The following GPC5 variants were observed in gnomAD, a reference collection of about 807,000 sequenced individuals.
GPC5 encodes glypican-5.
A neutral mutation model predicts 53.9 loss-of-function variants in GPC5; 47 were observed. The ratio of observed to expected loss-of-function variants is 0.87; its 90% CI spans 0.69 to 1.11. The LOEUF (loss-of-function observed/expected upper bound fraction) is 1.11. Among genes scored for constraint, GPC5 ranks in the 50% most tolerant of loss-of-function variants. The pLI, the probability that GPC5 is intolerant of heterozygous loss-of-function variation, is 0.00. For missense variants in GPC5, 748 were observed against 713.1 expected, an observed-to-expected ratio of 1.05 and a Z score of -0.56; for synonymous variants, 286 against 263.3, an observed-to-expected ratio of 1.09 and a Z score of -0.84.
rs190504844 is a variant in GPC5, at chr13:91,718,675, G to A, written c.1021-9857G>A. On this transcript the variant is annotated intron_variant, in intron 3 of 7. Coordinates refer to ENST00000377067, the MANE Select transcript of GPC5 (RefSeq NM_004466.6). ...TTTCCCGAGTATAACCAAATTAATA[G>A]CACAGTTTGGAATTCTACCCCCATC... Among the ~76,000 whole-genome samples the A allele has an allele frequency of 3.3e-3, 506 of 152,198 alleles. 1 individual carries two copies. The highest frequency in any genetic ancestry group is 0.02 in the Middle Eastern group (6 of 294).
chr13:92,396,392 T>G (rs1461318519), intron 7 of GPC5, among the ~76,000 whole-genome samples: 1 of 152,170 alleles, frequency 6.6e-6, no homozygotes. Context: ...ATGTTTGCTT[T>G]TTTCATTAGT....
At chr13:91,843,869 AAG>A (rs1404558054) in intron 5 of GPC5, among the ~76,000 whole-genome samples, 2 of 152,224 alleles carry the variant, frequency 1.3e-5, no homozygotes, top group Admixed American at 6.5e-5. Flanking sequence ...TATAAGAAGT[AAG>A]AGAGCATATG....
At chr13:92,010,921 A>G (rs1246471059) in intron 6 of GPC5, among the ~76,000 whole-genome samples, 1 of 152,244 alleles carries the variant, frequency 6.6e-6, no homozygotes, top group Non-Finnish European at 1.5e-5. Flanking sequence ...AATACAAACT[A>G]TAAGACAATA....
At chr13:92,331,309 A>G (rs16947422) in intron 7 of GPC5, among the ~76,000 whole-genome samples, 4,324 of 152,228 alleles carry the variant, frequency 0.028, 212 homozygotes, top group African/African-American at 0.099. Context: ...TCCAGTTTCT[A>G]TCTTCTCTAA....
At chr13:92,330,915 T>C (rs955925356) in intron 7 of GPC5, among the ~76,000 whole-genome samples, 3 of 152,112 alleles carry the variant, frequency 2.0e-5, no homozygotes, top group Non-Finnish European at 2.9e-5. Flanking sequence ...TAACCTGCCA[T>C]CCTTTTTATT....
At chr13:92,320,956 T>C (rs2139222644) in intron 7 of GPC5, among the ~76,000 whole-genome samples, 1 of 152,340 alleles carries the variant, frequency 6.6e-6, no homozygotes, top group Middle Eastern at 3.4e-3. Flanking sequence ...TGGTATTTTA[T>C]TAAATTTGAA....
At chr13:91,629,717 T>A (rs904625687) in intron 2 of GPC5, among the ~76,000 whole-genome samples, 1 of 152,114 alleles carries the variant, frequency 6.6e-6, no homozygotes, top group African/African-American at 2.4e-5. Context: ...AGGACATTCC[T>A]ACAAAGTTGT....
chr13:92,338,719 G>T (rs2043342479), intron 7 of GPC5, among the ~76,000 whole-genome samples: 1 of 152,050 alleles, frequency 6.6e-6, no homozygotes, highest in African/African-American at 2.4e-5. Flanking sequence ...AACAATCAGT[G>T]GTTGCTAGAG....
intron 6 of GPC5, among the ~76,000 whole-genome samples, chr13:92,134,111 A>G (rs993844263): frequency 1.3e-5 from 2 of 152,138 alleles, no homozygotes; most frequent in African/African-American, 4.8e-5. Flanking sequence ...GGCAATGTAG[A>G]ATTGTCTAAA....
At chr13:92,044,017 C>A (rs950840728) in intron 6 of GPC5, among the ~76,000 whole-genome samples, 2 of 152,130 alleles carry the variant, frequency 1.3e-5, no homozygotes, top group African/African-American at 4.8e-5. Flanking sequence ...CAGTGCATAA[C>A]AAAATGTGTC....
At chr13:92,633,423 T>A (rs1336105374) in intron 7 of GPC5, among the ~76,000 whole-genome samples, 4 of 152,128 alleles carry the variant, frequency 2.6e-5, no homozygotes, top group Non-Finnish European at 5.9e-5. Context: ...AAAGTATAGA[T>A]TAATTTAAGA....
At chr13:92,429,451 ATAAT>A (rs1471834675) in intron 7 of GPC5, among the ~76,000 whole-genome samples, 2 of 151,724 alleles carry the variant, frequency 1.3e-5, no homozygotes, top group African/African-American at 4.8e-5. Context: ...TAATTTTTAA[ATAAT>A]TTAATAATAT....
At chr13:92,336,458 A>G (rs1418759389) in intron 7 of GPC5, among the ~76,000 whole-genome samples, 1 of 152,310 alleles carries the variant, frequency 6.6e-6, no homozygotes, top group East Asian at 1.9e-4. Context: ...ACATATGAGA[A>G]TTAACATGTT....
intron 1 of GPC5, among the ~76,000 whole-genome samples, chr13:91,437,984 G>A (rs538871293): frequency 3.9e-5 from 6 of 152,172 alleles, no homozygotes; most frequent in South Asian, 4.2e-4. Context: ...CATTTGTCAC[G>A]TAGTTCTCGT....
chr13:91,894,049 T>C (rs985992671), intron 5 of GPC5, among the ~76,000 whole-genome samples: 5 of 152,162 alleles, frequency 3.3e-5, no homozygotes, highest in Non-Finnish European at 7.3e-5. Context: ...TTTGTCCTTT[T>C]TGATTTAAGT....
chr13:91,746,910 A>C (rs1371475465), intron 4 of GPC5, among the ~76,000 whole-genome samples: 1 of 152,178 alleles, frequency 6.6e-6, no homozygotes, highest in Non-Finnish European at 1.5e-5. Flanking sequence ...AGCTTGGTAC[A>C]GATTTTGTGA....
At chr13:91,765,011 G>C (rs1421760893) in intron 5 of GPC5, among the ~76,000 whole-genome samples, 2 of 152,062 alleles carry the variant, frequency 1.3e-5, no homozygotes, top group South Asian at 4.1e-4. Flanking sequence ...CTTTTGGTGG[G>C]TTCCTTTTCT....
At chr13:91,836,851 A>C (rs1435582265) in intron 5 of GPC5, among the ~76,000 whole-genome samples, 1 of 151,524 alleles carries the variant, frequency 6.6e-6, no homozygotes, top group Non-Finnish European at 1.5e-5. Context: ...CCTTAAAAGT[A>C]TAATTATGCT....
chr13:92,420,033 C>T (rs895184139), intron 7 of GPC5, among the ~76,000 whole-genome samples: 1 of 152,142 alleles, frequency 6.6e-6, no homozygotes, highest in Non-Finnish European at 1.5e-5. Flanking sequence ...GGATCTGTCT[C>T]CAATTTGTTT....
Sources: gnomAD v4.1 joint callset for allele counts (sites outside exome capture counted in the v4.1 genomes callset) on GRCh38, gnomAD v4.1.1 for gene constraint, MANE v1.5 for transcripts, NCBI Gene and HGNC (gene_info 2026-07-23, HGNC 2026-07-21) for gene names.